FLNC: variants seen among roughly 807,000 people sequenced by gnomAD.
FLNC encodes filamin C, also known as filamin-C.
Under a neutral mutation model 254.3 loss-of-function variants are expected in FLNC, and 91 were observed. The ratio of observed to expected loss-of-function variants is 0.36; its 90% confidence interval spans 0.30 to 0.43. FLNC has a LOEUF of 0.43. Ranked by LOEUF, FLNC falls within the 20% of genes least tolerant of loss-of-function variation. The pLI, the probability that FLNC is intolerant of heterozygous loss-of-function variation, is 1.00. For missense variants in FLNC, 2,853 were observed against 3,802.6 expected (o/e 0.75, Z 6.57); for synonymous variants, 1,430 against 1,577.2 (o/e 0.91, Z 2.21).
intron 1 of FLNC, among the ~76,000 whole-genome samples, chr7:128,833,732 G>C (rs1445988951): frequency 6.6e-6 from 1 of 152,218 alleles, no homozygotes; most frequent in East Asian, 1.9e-4. Context: ...GTGAGAGGCT[G>C]GGGGCACTGG....
At chr7:128,839,779 C>T (rs1003582445) in intron 8 of FLNC, among the ~76,000 whole-genome samples, 1 of 152,246 alleles carries the variant, frequency 6.6e-6, no homozygotes, top group African/African-American at 2.4e-5. Flanking sequence ...TCAGCCCAGG[C>T]TCTGCCATGC....
In FLNC at chr7:128,857,328, A is replaced by G. The variant is rs1168400956; in HGVS notation, c.7772A>G (p.Lys2591Arg). The G allele has an allele frequency of 5.6e-6, 9 of 1,612,278 alleles. No homozygotes were observed. In the African/African-American group the frequency reaches 6.7e-5, roughly 12 times the overall value. The stretch of plus-strand genomic sequence containing the variant: ...ATCGTGGGCAGCCCCTTCAAGGCCA[A>G]GGTCACTGGTGAGTGCCAGTTTGGG... ...QHIVGSPFKA[K>R]VTGPRLSGGH... Residue 2591 changes from lysine to arginine, a missense_variant, in exon 46 of 48, where the codon AAG (lysine) becomes AGG (arginine). This residue lies in a region of FLNC where 197 missense variants were observed against 351.5 expected (regional missense o/e 0.56). Transcript: ENST00000325888. This position sits in a 1 kb window ranked among gnomAD's most constrained non-coding sequence, Gnocchi z 4.5.
In FLNC at chr7:128,854,091, C is replaced by CT; in HGVS notation, c.6602_6603insT (p.Arg2203AlafsTer42). On this transcript the variant is annotated frameshift_variant, in exon 40 of 48. Coordinates refer to ENST00000325888, the MANE Select transcript of FLNC (RefSeq NM_001458.5). LOFTEE classifies it high-confidence loss of function. ...ATCAGCAAGACGCGGGGCGGGGAGA[C>CT]AAAGCGCGAGGTGCGGGTGGAGGAG... The CT allele has an allele frequency of 6.2e-7, 1 of 1,613,088 alleles. No homozygotes were observed. The highest frequency in any genetic ancestry group is 8.5e-7 in the Non-Finnish European group (1 of 1,179,964).
At position 128,854,626 on chromosome 7, in the gene FLNC, C is replaced by A. The variant is rs1226868207; in HGVS notation, c.6941C>A (p.Ala2314Asp). 6.2e-7 allele frequency: 1 copy of A among 1,612,350 alleles called. No homozygotes were observed. The highest frequency in any genetic ancestry group is 1.7e-5 in the Admixed American group (1 of 59,858). Residue 2314 changes from alanine to aspartate, a missense_variant, in exon 41 of 48, where the codon GCC becomes GAC. Physicochemically the swap from Ala to Asp is moderately radical, Grantham distance 126. Transcript: ENST00000325888. ...GTGGGGCCGCTGGGTGAAGGTGGTG[C>A]CCACAAGGTGCGGGCCGGAGGCACA... ...FTVGPLGEGGAHKVRAGGTGL... is the reference protein window; with the variant it reads ...FTVGPLGEGGDHKVRAGGTGL...
chr7:128,851,922 G>A (rs551673150), intron 35 of FLNC, among the ~76,000 whole-genome samples: 3 of 152,330 alleles, frequency 2.0e-5, no homozygotes, highest in African/African-American at 7.2e-5. Flanking sequence ...CTGGAGTACA[G>A]TGGCACGATC....
rs1423463739 is a variant in FLNC at position 128,841,566 on chromosome 7, A to G, written c.2120A>G (p.Gln707Arg). The change falls in exon 13 of 48, where the codon CAG (glutamine) becomes CGG (arginine). Residue 707 changes from glutamine to arginine, a missense_variant and splice_region_variant. Around this residue, in one of 10 missense-constraint regions of FLNC, gnomAD observed 1,573 missense variants for 1,883.5 expected, o/e 0.84. Coordinates refer to ENST00000325888, the MANE Select transcript of FLNC (RefSeq NM_001458.5). This position sits in a 1 kb window ranked among gnomAD's most constrained non-coding sequence, Gnocchi z 4.3. ...AAGGGAGACCTGAAGCTCTATGCCCAGGTAGGTCATTGTCCAGTCTCTGCT... is the reference window on the plus strand; with the variant it reads ...AAGGGAGACCTGAAGCTCTATGCCCGGGTAGGTCATTGTCCAGTCTCTGCT... ...AGKGDLKLYA[Q>R]DADGCPIDIK... 5 of 1,610,636 alleles carry G rather than the reference A, an allele frequency of 3.1e-6. No homozygotes were observed. The highest frequency in any genetic ancestry group is 4.2e-6 in the Non-Finnish European group (5 of 1,176,792).
intron 1 of FLNC, among the ~76,000 whole-genome samples, chr7:128,834,411 T>C (rs1470135929): frequency 6.7e-6 from 1 of 150,016 alleles, no homozygotes; most frequent in East Asian, 2.0e-4. Flanking sequence ...GGAGTCCCTC[T>C]GGCCCCCAGC....
Position 128,846,198 on chromosome 7 carries a change from T to TGGGCAGGTGGGCAGGGCC in FLNC, c.3964+40_3964+41insGGTGGGCAGGGCCGGGCA, listed in dbSNP as rs138334624. ...GGTGGGCCAGGCTAGTGGGCAGGGC[T>TGGGCAGGTGGGCAGGGCC]GGGCAAGTGGGCAGGGCCGGGATCT... On this transcript the variant is annotated intron_variant, in intron 22 of 47. Transcript: ENST00000325888. 0.056 allele frequency: 91,115 copies of TGGGCAGGTGGGCAGGGCC among 1,613,004 alleles called. 5,171 individuals are homozygous for TGGGCAGGTGGGCAGGGCC. Among genetic ancestry groups the TGGGCAGGTGGGCAGGGCC allele is most frequent in the East Asian group, 0.3 (13,230 of 44,810 alleles).
Position 128,830,962 on chromosome 7 carries a change from C to T in FLNC, c.325C>T (p.Arg109Cys). The change falls in exon 1 of 48, where the codon CGC becomes TGC. Residue 109 changes from arginine to cysteine, a missense_variant. Transcript: ENST00000325888. Reference protein sequence around the residue: ...NVSVALEFLEREHIKLVSIDS... With the variant: ...NVSVALEFLECEHIKLVSIDS... ...GTCCGTGGCCCTCGAGTTCCTCGAGCGCGAGCACATCAAGCTCGTGTCCAT... is the reference window on the plus strand; with the variant it reads ...GTCCGTGGCCCTCGAGTTCCTCGAGTGCGAGCACATCAAGCTCGTGTCCAT... 2 of 1,609,918 alleles carry T rather than the reference C, an allele frequency of 1.2e-6. No individual in the cohort carries two copies. Among genetic ancestry groups the T allele is most frequent in the South Asian group, 1.1e-5 (1 of 91,084 alleles).
At chr7:128,854,996 TG>T in intron 42 of FLNC, 84 bp downstream of exon 42, 1 of 1,490,316 alleles carries the variant, frequency 6.7e-7, no homozygotes. Flanking sequence ...AGGAGATGCT[TG>T]GGGCCACAGA....
Position 128,849,691 on chromosome 7 carries a change from C to T in FLNC, c.5199+113C>T. On this transcript the variant is annotated intron_variant, in intron 30 of 47. Transcript: ENST00000325888. The stretch of plus-strand genomic sequence containing the variant: ...CCAAGGAATCCCACTTCTCTGAGGG[C>T]TCCTGGGGCCAGAGTGCTCCAGGAT... The T allele has an allele frequency of 4.3e-6, 6 of 1,382,268 alleles. No individual in the cohort carries two copies. The South Asian group carries it at 7.7e-5, about 18-fold the overall frequency. 85.6% of individuals were successfully genotyped at this position (1,382,268 alleles called of 1,614,324 possible). A position where few individuals can be genotyped will look rare whatever the true frequency, so the allele number is the denominator to read the frequency against.
At position 128,840,638 on chromosome 7, in the gene FLNC, T is replaced by A. The variant is rs1359628677; in HGVS notation, c.1640T>A (p.Val547Glu). Residue 547 changes from valine (V) to glutamate (E), a missense_variant, in exon 10 of 48, where the codon GTG (valine) becomes GAG (glutamate). By Grantham distance (121) the Val-to-Glu change is moderately radical. Transcript: ENST00000325888. ...YYPVVPGKYV[V>E]TITWGGYAIP... ...CCGGTGGTGCCTGGGAAGTATGTGG[T>A]GACCATCACGTGGGGCGGCTACGCC... 2 of 1,614,164 alleles carry A rather than the reference T, an allele frequency of 1.2e-6. No individual in the cohort carries two copies. The highest frequency in any genetic ancestry group is 1.7e-5 in the Admixed American group (1 of 60,032).
In FLNC at chr7:128,856,946, G is replaced by A. The variant is rs750367522; in HGVS notation, c.7561+25G>A. The A allele has an allele frequency of 5.0e-6, 8 of 1,612,302 alleles. No homozygotes were observed. The highest frequency in any genetic ancestry group is 6.8e-6 in the Non-Finnish European group (8 of 1,178,918). ...GGTGAGTGCCTGGAGCTGGGGAACAGGGTGACTTCTGGGGGTGCTTGGCCA... is the reference window on the plus strand; with the variant it reads ...GGTGAGTGCCTGGAGCTGGGGAACAAGGTGACTTCTGGGGGTGCTTGGCCA... On this transcript the variant is annotated intron_variant, in intron 45 of 47. Coordinates refer to ENST00000325888, the MANE Select transcript of FLNC (RefSeq NM_001458.5). This position sits in a 1 kb window ranked among gnomAD's most constrained non-coding sequence, Gnocchi z 5.9.
At position 128,848,041 on chromosome 7, in the gene FLNC, A is replaced by G. The variant is rs201635205; in HGVS notation, c.4553A>G (p.Lys1518Arg). 9.3e-5 allele frequency: 150 copies of G among 1,606,838 alleles called. No individual in the cohort carries two copies. In the African/African-American group the frequency reaches 1.7e-3, roughly 19 times the overall value. ...ATDGPYTVAV[K>R]YADQEVPRSP... ...GACGGGCCCTACACGGTAGCCGTCA[A>G]GTATGCTGACCAGGAGGTGCCACGC... The change falls in exon 26 of 48, where the codon AAG becomes AGG. Residue 1518 changes from lysine (K) to arginine (R), a missense_variant. Lys to Arg is a conservative substitution (Grantham distance 26). This residue lies in a region of FLNC where 1,573 missense variants were observed against 1,883.5 expected (regional missense o/e 0.84). Transcript: ENST00000325888.
rs1402942509 is a variant in FLNC at position 128,838,005 on chromosome 7, A to G, written c.988A>G (p.Asn330Asp). 6.2e-7 allele frequency: 1 copy of G among 1,613,978 alleles called. No individual in the cohort carries two copies. ...CTAATAGGCTAAGGTGGTTCCCAAC[A>G]ATGACAAGGATCGCACCTATGCTGT... Reference protein sequence around the residue: ...HTEEAKVVPNNDKDRTYAVSY... With the variant: ...HTEEAKVVPNDDKDRTYAVSY... Residue 330 changes from asparagine to aspartate, a missense_variant, in exon 6 of 48, where the codon AAT (asparagine) becomes GAT (aspartate). Physicochemically the swap from Asn to Asp is conservative, Grantham distance 23 (BLOSUM62 1). Transcript: ENST00000325888.
chr7:128,840,734 G>T, intron 10 of FLNC, 60 bp downstream of exon 10: 3 of 1,613,978 alleles, frequency 1.9e-6, no homozygotes, highest in East Asian at 2.2e-5. Flanking sequence ...GGGACGAGGG[G>T]CACTGGGCTG....
Position 128,850,753 on chromosome 7 carries a change from G to A in FLNC, c.5399-50G>A, listed in dbSNP as rs770405144. The stretch of plus-strand genomic sequence containing the variant: ...GGACCAGGCCTGGGACAGCAGGGAG[G>A]TTGCAGTGGGGGAAACCAGGGTCTC... On this transcript the variant is annotated intron_variant, in intron 32 of 47. Transcript: ENST00000325888. The A allele has an allele frequency of 2.5e-6, 4 of 1,612,668 alleles. No individual in the cohort carries two copies. In the South Asian group the frequency reaches 3.3e-5, roughly 13 times the overall value.
chr7:128,850,048 C>A lies in FLNC; in HGVS notation c.5272C>A (p.Arg1758=). 6.5e-7 allele frequency: 1 copy of A among 1,545,956 alleles called. No homozygotes were observed. Among genetic ancestry groups the A allele is most frequent in the Non-Finnish European group, 8.7e-7 (1 of 1,151,242 alleles). ...GCTGCGCCAGCCCTACGCTCCTCCC[C>A]GGCCCGGCGCCCGCCCCACACACTG... ...PQLRQPYAPP[R]PGARPTHWAT... is the part of the protein sequence containing the mutation. The change falls in exon 31 of 48, where the codon CGG becomes AGG. Residue 1758 remains arginine, a synonymous_variant. Transcript: ENST00000325888.
chr7:128,852,800 T>G (rs777750782), intron 36 of FLNC, 28 bp from the exon 37 acceptor site: 31 of 1,613,670 alleles, frequency 1.9e-5, no homozygotes, highest in Non-Finnish European at 2.5e-5. Flanking sequence ...GCCCACAGGA[T>G]GCTCTGCCTA....
Sources: gnomAD v4.1 joint callset for allele counts (sites outside exome capture counted in the v4.1 genomes callset) on GRCh38, gnomAD v4.1.1 for gene constraint, gnomAD v4.1.1 regional missense constraint, Gnocchi (gnomAD v3.1) non-coding constraint, MANE v1.5 for transcripts, NCBI Gene and HGNC (gene_info 2026-07-23, HGNC 2026-07-21) for gene names.